BLTP1: variants seen among roughly 807,000 people sequenced by gnomAD.
BLTP1 encodes the protein fragile site-associated protein.
At chr4:122,324,566 T>A in the BLTP1 span, 94 of 1,551,204 alleles carry the variant, frequency 6.1e-5, no homozygotes, top group African/African-American at 1.1e-3. Context: ...TTGAAACAAG[T>A]AATAAAATTG....
chr4:122,257,645 C>T, the BLTP1 span: 4 of 717,514 alleles, frequency 5.6e-6, no homozygotes, highest in East Asian at 2.6e-5. Context: ...TGTCAAGACC[C>T]TTTGTTTTTC....
At chr4:122,239,806 C>G in the BLTP1 span, 2 of 1,614,124 alleles carry the variant, frequency 1.2e-6, no homozygotes, top group Non-Finnish European at 1.7e-6. Flanking sequence ...GACTCTAATT[C>G]ATTTCATCAG....
At chr4:122,328,203 C>T in the BLTP1 span, 3 of 1,611,310 alleles carry the variant, frequency 1.9e-6, no homozygotes, top group Non-Finnish European at 2.5e-6. Context: ...GTTCAGTTCT[C>T]CCAAAACTCC....
At chr4:122,207,002 T>C in the BLTP1 span, 1 of 1,029,860 alleles carries the variant, frequency 9.7e-7, no homozygotes, top group East Asian at 2.5e-5. Context: ...ATTTTTTTAG[T>C]TACACAAAAG....
the BLTP1 span, chr4:122,347,298 C>T: frequency 1.1e-6 from 1 of 928,352 alleles, no homozygotes; most frequent in South Asian, 5.0e-5. Context: ...ATTCCCTCAC[C>T]TGTAAACTGA....
the BLTP1 span, chr4:122,247,552 A>G: frequency 9.5e-7 from 1 of 1,056,082 alleles, no homozygotes; most frequent in Non-Finnish European, 1.3e-6. Flanking sequence ...AATAGAAAAT[A>G]AACTTTGGTA....
At chr4:122,314,897 CA>C in the BLTP1 span, among the ~76,000 whole-genome samples, 1 of 152,160 alleles carries the variant, frequency 6.6e-6, no homozygotes, top group African/African-American at 2.4e-5. Context: ...CAGGTCAATT[CA>C]GGAGCCCTTA....
chr4:122,304,660 A>G, the BLTP1 span: 1,907 of 1,415,600 alleles, frequency 1.3e-3, 14 homozygotes, highest in African/African-American at 0.025. Flanking sequence ...AACCAAACCC[A>G]TATTATCTCC....
the BLTP1 span, chr4:122,170,375 C>G: frequency 1.0e-6 from 1 of 971,048 alleles, no homozygotes; most frequent in Non-Finnish European, 1.2e-6. Context: ...AGTAATTGAA[C>G]CTTAGTTAGT....
At chr4:122,192,121 A>T in the BLTP1 span, 1 of 1,084,492 alleles carries the variant, frequency 9.2e-7, no homozygotes, top group African/African-American at 1.6e-5. Flanking sequence ...AATTTTTAAG[A>T]GTGTAAAGGT....
At chr4:122,261,985 T>G in the BLTP1 span, 4 of 985,280 alleles carry the variant, frequency 4.1e-6, no homozygotes, top group Admixed American at 6.1e-5. Context: ...TCAACATTTC[T>G]TGCTATTAGC....
At chr4:122,178,206 T>C in the BLTP1 span, 14 of 828,404 alleles carry the variant, frequency 1.7e-5, no homozygotes, top group East Asian at 2.5e-4. Context: ...TTAATTCTTA[T>C]GAGATTCTTC....
the BLTP1 span, among the ~76,000 whole-genome samples, chr4:122,259,387 A>G: frequency 6.6e-6 from 1 of 152,206 alleles, no homozygotes; most frequent in Non-Finnish European, 1.5e-5. Flanking sequence ...GGAGATTATA[A>G]TAGTAAACTT....
At chr4:122,157,874 TA>T in the BLTP1 span, among the ~76,000 whole-genome samples, 3 of 152,122 alleles carry the variant, frequency 2.0e-5, no homozygotes, top group African/African-American at 7.2e-5. Context: ...ACACTCCAAT[TA>T]AAAAAATATT....
chr4:122,261,545 T>C, the BLTP1 span: 1 of 984,130 alleles, frequency 1.0e-6, no homozygotes, highest in East Asian at 1.1e-4. Flanking sequence ...TTTTAATTTT[T>C]TTTCATTAAT....
chr4:122,256,170 T>C, the BLTP1 span: 1 of 984,888 alleles, frequency 1.0e-6, no homozygotes, highest in Non-Finnish European at 1.2e-6. Flanking sequence ...TAGGGACCAA[T>C]GTATCAGTAT....
the BLTP1 span, chr4:122,270,913 C>G: frequency 7.2e-7 from 1 of 1,394,512 alleles, no homozygotes; most frequent in South Asian, 1.6e-5. Flanking sequence ...TTATTTAAGA[C>G]TCATATTTTA....
At chr4:122,263,786 G>C in the BLTP1 span, among the ~76,000 whole-genome samples, 30 of 152,240 alleles carry the variant, frequency 2.0e-4, no homozygotes, top group Admixed American at 1.8e-3. Flanking sequence ...CAGTGTTCTT[G>C]TTGAAAGGCA....
At chr4:122,207,410 T>A in the BLTP1 span, 2 of 1,435,398 alleles carry the variant, frequency 1.4e-6, no homozygotes, top group Middle Eastern at 2.6e-4. Flanking sequence ...GAAGACTGTT[T>A]CAGAGTTTGT....
Sources: gnomAD v4.1 joint callset for allele counts (sites outside exome capture counted in the v4.1 genomes callset) on GRCh38, gnomAD v4.1.1 for gene constraint, MANE v1.5 for transcripts, NCBI Gene and HGNC (gene_info 2026-07-23, HGNC 2026-07-21) for gene names.